Variants in CFAP52 observed in about 807,000 individuals in gnomAD.
CFAP52 encodes cilia and flagella associated protein 52, also known as cilia- and flagella-associated protein 52.
In CFAP52, 57 loss-of-function variants were observed where a neutral mutation model predicts 70.5. The observed-to-expected ratio is 0.81, with a 90% CI of 0.65 to 1.01. The LOEUF is 1.01. CFAP52 is among the 50% of genes least tolerant of loss of function. The probability of loss-of-function intolerance (pLI) is 0.00; values close to 1 mark genes in which losing one functional copy is unlikely to be tolerated. For synonymous variants in CFAP52, 267 were observed against 292.5 expected (o/e 0.91, Z 0.89); for missense variants, 785 against 788.5 (o/e 1.00, Z 0.05).
intron 5 of CFAP52, among the ~76,000 whole-genome samples, chr17:9,599,426 C>T (rs974134911): frequency 6.6e-6 from 1 of 152,120 alleles, no homozygotes; most frequent in Non-Finnish European, 1.5e-5. Flanking sequence ...TTTGGAGGGG[C>T]ACACCTTTAT....
chr17:9,630,499 G>T (rs1427473582), intron 9 of CFAP52, among the ~76,000 whole-genome samples: 1 of 147,124 alleles, frequency 6.8e-6, no homozygotes, highest in Non-Finnish European at 1.5e-5. Flanking sequence ...GCGCGATCTC[G>T]GCTCACTGCA....
At chr17:9,600,553 CTT>C in intron 6 of CFAP52, among the ~76,000 whole-genome samples, 1 of 152,004 alleles carries the variant, frequency 6.6e-6, no homozygotes, top group East Asian at 1.9e-4. Flanking sequence ...AAAGCACACA[CTT>C]TGTTTGTTTG....
rs2151927850 is a variant in CFAP52, at chr17:9,585,845, T to C, written c.143T>C (p.Leu48Pro). 1 of 1,614,078 alleles carries C rather than the reference T, an allele frequency of 6.2e-7. No individual in the cohort carries two copies. Among genetic ancestry groups the C allele is most frequent in the Non-Finnish European group, 8.5e-7 (1 of 1,180,028 alleles). The change falls in exon 2 of 14, where the codon CTC becomes CCC. Residue 48 changes from leucine (L) to proline (P), a missense_variant. Leu to Pro is a moderately conservative substitution (Grantham distance 98, BLOSUM62 -3). Transcript: ENST00000352665. The stretch of plus-strand genomic sequence containing the variant: ...ATTTATCCTCTTGGTTGCACAGTCC[T>C]CATTCAGGCAATAAATACTAAAGAG... The part of the protein sequence containing the change: ...HMIYPLGCTV[L>P]IQAINTKEQN...
In CFAP52 at chr17:9,578,448, T is replaced by G. The variant is rs577320436; in HGVS notation, c.70+1683T>G. Among the ~76,000 whole-genome samples the G allele has an allele frequency of 5.9e-5, 9 of 152,322 alleles. No homozygotes were observed. In the East Asian group the frequency reaches 1.7e-3, roughly 29 times the overall value. ...GTTGAACAGGGCTTCAGTTAGTAAG[T>G]GCCTATGAACTGGACAGGTTGCAGT... On this transcript the variant is annotated intron_variant, in intron 1 of 13. Coordinates refer to ENST00000352665, the MANE Select transcript of CFAP52 (RefSeq NM_145054.5).
At chr17:9,629,495 CT>C (rs57975752) in intron 9 of CFAP52, among the ~76,000 whole-genome samples, 21,131 of 143,232 alleles carry the variant, frequency 0.15, 1,578 homozygotes, top group East Asian at 0.31. Context: ...TTCTTTCTTT[CT>C]TTTCTTTTCT....
intron 9 of CFAP52, among the ~76,000 whole-genome samples, chr17:9,631,039 AGAGAGAGAGAGAG>A (rs1910486338): frequency 1.2e-5 from 1 of 84,854 alleles, no homozygotes; most frequent in African/African-American, 5.4e-5. Context: ...AGAGAGAGAG[AGAGAGAGAGAGAG>A]AGAAAGAAAG....
intron 6 of CFAP52, among the ~76,000 whole-genome samples, chr17:9,601,551 C>T (rs1310940615): frequency 1.3e-5 from 2 of 152,132 alleles, no homozygotes; most frequent in African/African-American, 4.8e-5. Flanking sequence ...ATCTATAAAA[C>T]TATATATATA....
chr17:9,641,613 G>C, intron 12 of CFAP52, 111 bp from the exon 13 acceptor site: 1 of 674,236 alleles, frequency 1.5e-6, no homozygotes, highest in African/African-American at 1.8e-5. Context: ...GTATCATCCC[G>C]TGGTGTATTT....
chr17:9,585,443 C>A lies in CFAP52; in HGVS notation c.71-330C>A, dbSNP rs148740350. On this transcript the variant is annotated intron_variant, in intron 1 of 13. Coordinates refer to ENST00000352665, the MANE Select transcript of CFAP52 (RefSeq NM_145054.5). ...CAGCACTTTGGGAGGCTAAGGTGGACGGATCACGAGGTCAGCAGTTCAAGA... is the reference window on the plus strand; with the variant it reads ...CAGCACTTTGGGAGGCTAAGGTGGAAGGATCACGAGGTCAGCAGTTCAAGA... Among the ~76,000 whole-genome samples, 1,110 of 152,090 alleles carry A rather than the reference C, an allele frequency of 7.3e-3. 20 individuals carry two copies. The highest frequency in any genetic ancestry group is 6.9e-3 in the Non-Finnish European group (470 of 67,968).
intron 3 of CFAP52, among the ~76,000 whole-genome samples, chr17:9,592,858 T>C (rs930088456): frequency 1.3e-5 from 2 of 152,228 alleles, no homozygotes; most frequent in East Asian, 3.8e-4. Flanking sequence ...TGTCTTCATT[T>C]CTCTTGGATA....
chr17:9,603,078 TTTTTGTTTTG>T (rs1490517339), intron 6 of CFAP52, among the ~76,000 whole-genome samples: 2 of 152,260 alleles, frequency 1.3e-5, no homozygotes, highest in South Asian at 2.1e-4. Flanking sequence ...ACTAGTGGAT[TTTTTGTTTTG>T]TTTTGTTTTG....
intron 11 of CFAP52, among the ~76,000 whole-genome samples, chr17:9,637,374 G>A (rs906711175): frequency 3.9e-5 from 6 of 152,168 alleles, no homozygotes; most frequent in African/African-American, 1.4e-4. Flanking sequence ...AGGAATTCTT[G>A]TGCCAAAATC....
chr17:9,589,515 C>A (rs1908646772), intron 3 of CFAP52, among the ~76,000 whole-genome samples: 1 of 152,066 alleles, frequency 6.6e-6, no homozygotes, highest in Admixed American at 6.6e-5. Context: ...GGTGGATTAC[C>A]TGAAGTTAGG....
chr17:9,599,982 C>G, intron 5 of CFAP52, 85 bp from the exon 6 acceptor site: 8 of 1,076,626 alleles, frequency 7.4e-6, no homozygotes, highest in Non-Finnish European at 1.1e-5. Flanking sequence ...CTCAGGTGAT[C>G]CACCCGCCTC....
chr17:9,643,172 C>G lies in CFAP52; in HGVS notation c.1837C>G (p.Arg613Gly), dbSNP rs755961824. The G allele has an allele frequency of 6.2e-7, 1 of 1,611,502 alleles. No homozygotes were observed. The highest frequency in any genetic ancestry group is 1.7e-5 in the Admixed American group (1 of 59,582). Residue 613 changes from arginine to glycine, a missense_variant, in exon 14 of 14, where the codon CGA becomes GGA. Physicochemically the swap from Arg to Gly is moderately radical, Grantham distance 125. Coordinates refer to ENST00000352665, the MANE Select transcript of CFAP52 (RefSeq NM_145054.5). ...VSVSADGAIL[R>G]WKYPYTS ...TGTAAGTGCCGATGGAGCCATTTTG[C>G]GATGGAAGTACCCATATACCTCCTG...
intron 3 of CFAP52, among the ~76,000 whole-genome samples, chr17:9,591,360 TA>T (rs1433273643): frequency 6.6e-6 from 1 of 152,124 alleles, no homozygotes; most frequent in Middle Eastern, 3.2e-3. Context: ...TTAAATTTTG[TA>T]ACCTATTTAT....
intron 1 of CFAP52, among the ~76,000 whole-genome samples, chr17:9,579,815 G>A (rs150324599): frequency 1.1e-4 from 16 of 152,258 alleles, no homozygotes; most frequent in East Asian, 3.9e-4. Flanking sequence ...TGATCCACCC[G>A]CCTCGGCCTC....
intron 1 of CFAP52, among the ~76,000 whole-genome samples, chr17:9,579,594 G>A (rs757446071): frequency 1.6e-4 from 24 of 152,164 alleles, no homozygotes; most frequent in Admixed American, 3.9e-4. Context: ...TTGAGATGGA[G>A]TCTCACCCTG....
At chr17:9,630,961 G>C (rs796831096) in intron 9 of CFAP52, among the ~76,000 whole-genome samples, 6 of 145,276 alleles carry the variant, frequency 4.1e-5, no homozygotes, top group African/African-American at 1.6e-4. Context: ...ACTCCAGCCT[G>C]GGTAACAGAG....
Sources: allele counts gnomAD v4.1 joint callset (sites outside exome capture counted in the v4.1 genomes callset), GRCh38; gene constraint gnomAD v4.1.1; transcripts MANE v1.5; gene names NCBI Gene and HGNC (gene_info 2026-07-23, HGNC 2026-07-21).